CNKSR2: variants seen among roughly 807,000 people sequenced by gnomAD.
CNKSR2 encodes the protein connector enhancer of kinase suppressor of Ras 2.
A neutral mutation model predicts 84.4 loss-of-function variants in CNKSR2; 14 were observed. The observed-to-expected ratio is 0.17, with a 90% CI of 0.11 to 0.26. The LOEUF (loss-of-function observed/expected upper bound fraction) is 0.26. Ranked by LOEUF, CNKSR2 falls within the 10% of genes least tolerant of loss-of-function variation. CNKSR2 has a pLI of 1.00. For synonymous variants in CNKSR2, 275 were observed against 277.9 expected (o/e 0.99, Z 0.10); for missense variants, 485 against 771.2 (o/e 0.63, Z 4.40).
chrX:21,385,777 C>G (rs2089959835), intron 1 of CNKSR2, among the ~76,000 whole-genome samples: 1 of 111,334 alleles, frequency 9.0e-6, no homozygotes, highest in Admixed American at 9.5e-5. Context: ...TGTATGTCCT[C>G]TCCATCAGAC....
chrX:21,652,178 C>T, intron 21 of CNKSR2, 128 bp from the exon 22 acceptor site: 2 of 492,267 alleles, frequency 4.1e-6, no homozygotes, highest in East Asian at 3.6e-5. Flanking sequence ...GTCTAAAGAG[C>T]TGGGTGGGTG....
intron 1 of CNKSR2, among the ~76,000 whole-genome samples, chrX:21,376,187 G>A (rs538041800): frequency 2.7e-5 from 3 of 112,406 alleles, no homozygotes; most frequent in African/African-American, 9.7e-5. Context: ...AATTTAGAAC[G>A]AAAGGTGAGG....
chrX:21,569,042 A>C (rs2092263626), intron 13 of CNKSR2, among the ~76,000 whole-genome samples: 1 of 111,888 alleles, frequency 8.9e-6, no homozygotes, highest in African/African-American at 3.2e-5. Flanking sequence ...TATTACAATA[A>C]AGCAAGTCAC....
chrX:21,549,734 A>C (rs1199578982), intron 11 of CNKSR2, among the ~76,000 whole-genome samples: 1 of 111,954 alleles, frequency 8.9e-6, no homozygotes, highest in African/African-American at 3.3e-5. Context: ...CCAGTGGAAC[A>C]GAATAGAGGG....
chrX:21,600,418 G>A (rs2092475291), intron 17 of CNKSR2, among the ~76,000 whole-genome samples: 1 of 112,342 alleles, frequency 8.9e-6, no homozygotes. Flanking sequence ...TGAAATGTAG[G>A]TTTTTCTTCA....
chrX:21,592,927 G>T (rs1360940780), intron 15 of CNKSR2: 3 of 108,121 alleles, frequency 2.8e-5, no homozygotes, highest in Non-Finnish European at 3.8e-5. Context: ...CCACATACTA[G>T]ATTATATCCT....
rs757160699 is a variant in CNKSR2 at position 21,591,011 on chromosome X, C to T, written c.1658-11C>T. 3.4e-6 allele frequency: 4 copies of T among 1,187,949 alleles called. No homozygotes were observed. Among genetic ancestry groups the T allele is most frequent in the African/African-American group, 3.5e-5 (2 of 56,427 alleles). On this transcript the variant is annotated splice_polypyrimidine_tract_variant and intron_variant, in intron 14 of 21. Coordinates refer to ENST00000379510, the MANE Select transcript of CNKSR2 (RefSeq NM_014927.5). The stretch of plus-strand genomic sequence containing the variant: ...CTTTGACAAAATTGAAAGAGCATTT[C>T]CACCCTTTAGGTCCTATAGCAGGCA...
chrX:21,415,641 TG>T (rs1181351272), intron 1 of CNKSR2, among the ~76,000 whole-genome samples: 1 of 37,670 alleles, frequency 2.7e-5, no homozygotes, highest in Non-Finnish European at 4.3e-5. Flanking sequence ...TGTTGTGGGG[TG>T]GGGGGAGGGG....
intron 1 of CNKSR2, among the ~76,000 whole-genome samples, chrX:21,418,663 A>G (rs1238789408): frequency 2.7e-5 from 3 of 110,814 alleles, no homozygotes; most frequent in African/African-American, 6.6e-5. Context: ...CATCAGATCT[A>G]TTGGAGCTCC....
chrX:21,552,636 A>G lies in CNKSR2; in HGVS notation c.1304-8835A>G, dbSNP rs922259092. Among the ~76,000 whole-genome samples, 3 of 112,111 alleles carry G rather than the reference A, an allele frequency of 2.7e-5. No homozygotes were observed. In the Admixed American group the frequency reaches 2.8e-4, roughly 11 times the overall value. ...CCCAGCGGTTGGATTATTGAATGTC[A>G]TCTTCATTCTTCATTCTTATCTTGT... On this transcript the variant is annotated intron_variant, in intron 11 of 21. Transcript: ENST00000379510.
At chrX:21,642,188 T>G (rs1369495204) in intron 20 of CNKSR2, 2 of 745,953 alleles carry the variant, frequency 2.7e-6, no homozygotes, top group Non-Finnish European at 3.2e-6. Context: ...CTTACTATGT[T>G]TATTCTATTA....
At chrX:21,515,245 G>A (rs1233477030) in intron 8 of CNKSR2, among the ~76,000 whole-genome samples, 1 of 111,301 alleles carries the variant, frequency 9.0e-6, no homozygotes, top group Non-Finnish European at 1.9e-5. Flanking sequence ...TTCTATAATA[G>A]CTGAATTCCA....
intron 20 of CNKSR2, among the ~76,000 whole-genome samples, chrX:21,628,584 A>C (rs1031798273): frequency 7.1e-5 from 8 of 111,906 alleles, no homozygotes; most frequent in South Asian, 7.5e-4. Context: ...CACAGGCTGA[A>C]CACCACAGGA....
intron 1 of CNKSR2, among the ~76,000 whole-genome samples, chrX:21,401,143 C>G (rs1484286306): frequency 2.7e-5 from 3 of 110,618 alleles, no homozygotes; most frequent in African/African-American, 9.8e-5. Context: ...AGGATGTCAG[C>G]AATACTAATA....
intron 20 of CNKSR2, among the ~76,000 whole-genome samples, chrX:21,634,904 G>GTA (rs770707123): frequency 1.0e-4 from 11 of 106,353 alleles, no homozygotes; most frequent in South Asian, 4.4e-4. Flanking sequence ...TTTAGTGTGT[G>GTA]TATATATATA....
At chrX:21,382,318 A>C (rs2089910093) in intron 1 of CNKSR2, among the ~76,000 whole-genome samples, 1 of 111,913 alleles carries the variant, frequency 8.9e-6, no homozygotes, top group Non-Finnish European at 1.9e-5. Context: ...TAATAATTTC[A>C]GGAAATTAAT....
At chrX:21,618,967 G>T (rs2092590044) in intron 20 of CNKSR2, among the ~76,000 whole-genome samples, 1 of 111,563 alleles carries the variant, frequency 9.0e-6, no homozygotes, top group Non-Finnish European at 1.9e-5. Flanking sequence ...CAACATCTTT[G>T]TTACCTTATA....
At chrX:21,482,547 T>C (rs2091332559) in intron 5 of CNKSR2, among the ~76,000 whole-genome samples, 1 of 112,343 alleles carries the variant, frequency 8.9e-6, no homozygotes. Flanking sequence ...TAAGTTTTAA[T>C]GTGGGAAAAT....
chrX:21,520,351 A>G (rs923725580), intron 9 of CNKSR2, among the ~76,000 whole-genome samples: 5 of 111,048 alleles, frequency 4.5e-5, no homozygotes, highest in African/African-American at 1.6e-4. Flanking sequence ...CTCTTATTCT[A>G]AGAAAAACCA....
Sources: allele counts gnomAD v4.1 joint callset (sites outside exome capture counted in the v4.1 genomes callset), GRCh38; gene constraint gnomAD v4.1.1; transcripts MANE v1.5; gene names NCBI Gene and HGNC (gene_info 2026-07-23, HGNC 2026-07-21).